The following ETV6 variants were observed in gnomAD, a reference collection of about 807,000 sequenced individuals.
ETV6 encodes ETS variant transcription factor 6.
Under a neutral mutation model 51.1 loss-of-function variants are expected in ETV6, and 16 were observed. The ratio of observed to expected loss-of-function variants is 0.31; its 90% CI spans 0.21 to 0.48. ETV6 has a LOEUF of 0.48. ETV6 is among the 20% of genes least tolerant of loss of function. ETV6 has a pLI of 0.99. For missense variants in ETV6, 458 were observed against 594.8 expected, an observed-to-expected ratio of 0.77 and a Z score of 2.39; for synonymous variants, 240 against 224.1, an observed-to-expected ratio of 1.07 and a Z score of -0.64.
At chr12:11,819,018 C>G (rs962608424) in intron 2 of ETV6, among the ~76,000 whole-genome samples, 5 of 152,166 alleles carry the variant, frequency 3.3e-5, no homozygotes, top group Non-Finnish European at 7.4e-5. Context: ...CCCCAGTGGG[C>G]TTCTCCCCTC....
intron 2 of ETV6, among the ~76,000 whole-genome samples, chr12:11,784,552 A>G (rs1194117461): frequency 4.6e-5 from 7 of 152,162 alleles, no homozygotes; most frequent in Admixed American, 4.6e-4. Flanking sequence ...AACAACAATA[A>G]AGACCTTGAG....
At chr12:11,735,619 A>C (rs190965971) in intron 1 of ETV6, among the ~76,000 whole-genome samples, 2 of 152,000 alleles carry the variant, frequency 1.3e-5, no homozygotes, top group African/African-American at 2.4e-5. Flanking sequence ...TATTTTTTTG[A>C]GATGGAGTTT....
chr12:11,706,427 A>G (rs1203752876), intron 1 of ETV6, among the ~76,000 whole-genome samples: 1 of 152,190 alleles, frequency 6.6e-6, no homozygotes, highest in Non-Finnish European at 1.5e-5. Context: ...GTTTCTTGTA[A>G]AACAGTCCTG....
At chr12:11,840,787 G>T in intron 3 of ETV6, 1 of 283,646 alleles carries the variant, frequency 3.5e-6, no homozygotes, top group Non-Finnish European at 7.0e-6. Flanking sequence ...GAAACATTTT[G>T]TCTCATATCA....
At chr12:11,880,937 C>T (rs4763731) in intron 5 of ETV6, among the ~76,000 whole-genome samples, 46,288 of 151,818 alleles carry the variant, frequency 0.3, 9,575 homozygotes, top group African/African-American at 0.59. Context: ...TTACTGGCTT[C>T]TTTTCCCCCT....
intron 4 of ETV6, among the ~76,000 whole-genome samples, chr12:11,856,041 C>T (rs1405159688): frequency 1.3e-5 from 2 of 152,022 alleles, no homozygotes; most frequent in Admixed American, 1.3e-4. Context: ...TGGAATTTAG[C>T]CCCATTTTAT....
At chr12:11,699,259 A>G (rs531327829) in intron 1 of ETV6, among the ~76,000 whole-genome samples, 3 of 152,326 alleles carry the variant, frequency 2.0e-5, no homozygotes, top group African/African-American at 7.2e-5. Context: ...GCATGTATTG[A>G]TAACAGTTTT....
At chr12:11,836,495 T>C (rs1246324148) in intron 2 of ETV6, among the ~76,000 whole-genome samples, 1 of 151,892 alleles carries the variant, frequency 6.6e-6, no homozygotes, top group East Asian at 1.9e-4. Flanking sequence ...GGTGAGGGGG[T>C]TTCCACACGG....
chr12:11,893,954 A>G lies in ETV6; in HGVS notation c.*2908A>G, dbSNP rs750732616. On this transcript the variant is annotated 3_prime_UTR_variant, in exon 8 of 8. Transcript: ENST00000396373. ...TTTCAGATAAGGGATATCAATCTGT[A>G]CTACCAATAAGGATTTCGTAATTCC... The G allele has an allele frequency of 2.8e-5, 6 of 217,158 alleles. No individual in the cohort carries two copies. Among genetic ancestry groups the G allele is most frequent in the Non-Finnish European group, 5.5e-5 (6 of 108,250 alleles). 13.5% of individuals were successfully genotyped at this position (217,158 alleles called of 1,614,324 possible). A position where few individuals can be genotyped will look rare whatever the true frequency, so the allele number is the denominator to read the frequency against.
At chr12:11,739,885 T>C (rs1328993080) in intron 1 of ETV6, among the ~76,000 whole-genome samples, 1 of 152,232 alleles carries the variant, frequency 6.6e-6, no homozygotes, top group African/African-American at 2.4e-5. Context: ...GAAGCATTAT[T>C]GGACTTTCTA....
At chr12:11,774,746 C>T (rs567369564) in intron 2 of ETV6, among the ~76,000 whole-genome samples, 11 of 152,218 alleles carry the variant, frequency 7.2e-5, no homozygotes, top group Admixed American at 3.9e-4. Flanking sequence ...CATGCCTGCA[C>T]GCCAGCCACG....
chr12:11,755,129 A>T (rs1944988582), intron 2 of ETV6, among the ~76,000 whole-genome samples: 1 of 152,204 alleles, frequency 6.6e-6, no homozygotes. Flanking sequence ...ACACTTAGCC[A>T]GTGTTCACTG....
At chr12:11,855,435 C>T (rs1946618430) in intron 4 of ETV6, among the ~76,000 whole-genome samples, 1 of 152,186 alleles carries the variant, frequency 6.6e-6, no homozygotes, top group Non-Finnish European at 1.5e-5. Flanking sequence ...ATTGGTCAGA[C>T]CACAGACGTC....
rs75383070 is a variant in ETV6, at chr12:11,723,163, A to G, written c.34-29287A>G. On this transcript the variant is annotated intron_variant, in intron 1 of 7. Coordinates refer to ENST00000396373, the MANE Select transcript of ETV6 (RefSeq NM_001987.5). ...TGTAAAATGGGAATCCTAATATCTC[A>G]TAGGATTGTGAGTATTAAATGAATT... Among the ~76,000 whole-genome samples, 1,196 of 152,304 alleles carry G rather than the reference A, an allele frequency of 7.9e-3. 13 individuals are homozygous for G. Among genetic ancestry groups the G allele is most frequent in the African/African-American group, 0.027 (1,105 of 41,568 alleles).
chr12:11,784,391 G>T (rs574424170), intron 2 of ETV6, among the ~76,000 whole-genome samples: 144 of 151,648 alleles, frequency 9.5e-4, no homozygotes, highest in African/African-American at 3.4e-3. Context: ...CCCTGGAGGC[G>T]GAGGTTGCAG....
chr12:11,759,675 G>T (rs576285573), intron 2 of ETV6, among the ~76,000 whole-genome samples: 1 of 152,056 alleles, frequency 6.6e-6, no homozygotes, highest in African/African-American at 2.4e-5. Context: ...GTCTTGATGG[G>T]TTTCCGCAGA....
Position 11,839,224 on chromosome 12 carries a change from A to T in ETV6, c.248A>T (p.Asp83Val), listed in dbSNP as rs1946356118. Reference sequence around the variant, plus strand: ...AATGAGTTTTCTTTAAGGCCAATTGACAGCAACACGTTTGAAATGAATGGC... The same window carrying T: ...AATGAGTTTTCTTTAAGGCCAATTGTCAGCAACACGTTTGAAATGAATGGC... ...AENEFSLRPI[D>V]SNTFEMNGKA... The change falls in exon 3 of 8, where the codon GAC becomes GTC. Residue 83 changes from aspartate to valine, a missense_variant. Coordinates refer to ENST00000396373, the MANE Select transcript of ETV6 (RefSeq NM_001987.5). 1.9e-6 allele frequency: 3 copies of T among 1,614,130 alleles called. No homozygotes were observed. The African/African-American group carries it at 4.0e-5, about 22-fold the overall frequency.
intron 5 of ETV6, among the ~76,000 whole-genome samples, chr12:11,882,293 G>C (rs1190233189): frequency 2.6e-5 from 4 of 152,192 alleles, no homozygotes; most frequent in Admixed American, 6.5e-5. Context: ...GTTCAGAAAA[G>C]ATACACTGAG....
At chr12:11,865,688 A>G (rs1388025680) in intron 4 of ETV6, among the ~76,000 whole-genome samples, 1 of 148,640 alleles carries the variant, frequency 6.7e-6, no homozygotes, top group African/African-American at 2.4e-5. Flanking sequence ...CATATATAGT[A>G]TATATGGTGT....
Sources: gnomAD v4.1 joint callset for allele counts (sites outside exome capture counted in the v4.1 genomes callset) on GRCh38, gnomAD v4.1.1 for gene constraint, MANE v1.5 for transcripts, NCBI Gene and HGNC (gene_info 2026-07-23, HGNC 2026-07-21) for gene names.